Variants in RPS6KA5 observed in about 807,000 individuals in gnomAD.
The protein encoded by RPS6KA5 is ribosomal protein S6 kinase A5.
In RPS6KA5, 27 loss-of-function variants were observed where a neutral mutation model predicts 85.5. The ratio of observed to expected loss-of-function variants is 0.32; its 90% CI spans 0.23 to 0.44. The LOEUF (loss-of-function observed/expected upper bound fraction) is 0.44. Ranked by LOEUF, RPS6KA5 falls within the 20% of genes least tolerant of loss-of-function variation. The pLI, the probability that RPS6KA5 is intolerant of heterozygous loss-of-function variation, is 1.00. For missense variants in RPS6KA5, 811 were observed against 980.9 expected, an observed-to-expected ratio of 0.83 and a Z score of 2.31; for synonymous variants, 334 against 348.2, an observed-to-expected ratio of 0.96 and a Z score of 0.46.
At chr14:90,873,369 A>C (rs1180974588) in intron 16 of RPS6KA5, among the ~76,000 whole-genome samples, 2 of 152,088 alleles carry the variant, frequency 1.3e-5, no homozygotes, top group Non-Finnish European at 2.9e-5. Flanking sequence ...GAGAGGAAAA[A>C]GTTCTATTAT....
intron 2 of RPS6KA5, among the ~76,000 whole-genome samples, chr14:90,996,385 C>T (rs1340555671): frequency 6.6e-6 from 1 of 151,934 alleles, no homozygotes; most frequent in Non-Finnish European, 1.5e-5. Flanking sequence ...TCTCATGGTT[C>T]TTGTTATGTA....
At position 91,033,354 on chromosome 14, in the gene RPS6KA5, C is replaced by T. The variant is rs905145685; in HGVS notation, c.103+26978G>A. Among the ~76,000 whole-genome samples, 5 of 152,164 alleles carry T rather than the reference C, an allele frequency of 3.3e-5. No homozygotes were observed. In the East Asian group the frequency reaches 9.7e-4, roughly 29 times the overall value. ...GTTGGGCCGGGCACTGTGGCTCACA[C>T]CTGGCTCAGGCCGAGGTGGGCAGAT... On this transcript the variant is annotated intron_variant, in intron 1 of 16. Transcript: ENST00000614987.
At chr14:91,059,834 C>T (rs1252999017) in intron 1 of RPS6KA5, among the ~76,000 whole-genome samples, 3 of 152,260 alleles carry the variant, frequency 2.0e-5, no homozygotes, top group Non-Finnish European at 4.4e-5. Flanking sequence ...GCGAAACCTC[C>T]CGTTTATCTC....
chr14:91,035,847 C>CAAAAAAAAAAA (rs199625173), intron 1 of RPS6KA5, among the ~76,000 whole-genome samples: 23 of 69,902 alleles, frequency 3.3e-4, no homozygotes, highest in Non-Finnish European at 4.2e-4. Flanking sequence ...CCCTCACCTT[C>CAAAAAAAAAAA]AAAAAAAAAA....
At chr14:90,911,747 TACA>T (rs147484672) in intron 7 of RPS6KA5, among the ~76,000 whole-genome samples, 6,818 of 152,250 alleles carry the variant, frequency 0.045, 409 homozygotes, top group African/African-American at 0.14. Context: ...CTAGTATGAG[TACA>T]ACATTATACA....
At chr14:90,885,758 A>G (rs1030472656) in intron 14 of RPS6KA5, among the ~76,000 whole-genome samples, 47 of 135,088 alleles carry the variant, frequency 3.5e-4, no homozygotes, top group African/African-American at 8.8e-4. Flanking sequence ...AAAAAAAAAA[A>G]AAAAAAAAAA....
At chr14:91,008,810 A>G (rs941690920) in intron 1 of RPS6KA5, among the ~76,000 whole-genome samples, 1 of 152,238 alleles carries the variant, frequency 6.6e-6, no homozygotes, top group African/African-American at 2.4e-5. Flanking sequence ...TCTTCACTAC[A>G]TAAAAGTAAT....
chr14:90,857,720 C>CT lies in RPS6KA5; in HGVS notation c.*14353dup, dbSNP rs1262823702. On this transcript the variant is annotated 3_prime_UTR_variant, in exon 17 of 17. Coordinates refer to ENST00000614987, the MANE Select transcript of RPS6KA5 (RefSeq NM_004755.4). ...GTAATCATCTAAAAGATTCCAGTCTCTTTTTTCTCACTCCCAACCCCCACA... is the reference window on the plus strand; with the variant it reads ...GTAATCATCTAAAAGATTCCAGTCTCTTTTTTTCTCACTCCCAACCCCCACA... 2 of 152,172 alleles carry CT rather than the reference C, an allele frequency of 1.3e-5. No individual in the cohort carries two copies. Among genetic ancestry groups the CT allele is most frequent in the South Asian group, 2.1e-4 (1 of 4,834 alleles). The allele number at this position is 152,172 out of a possible 1,614,324, so 9.4% of individuals were successfully genotyped here. A position where few individuals can be genotyped will look rare whatever the true frequency, so the allele number is the denominator to read the frequency against.
chr14:90,988,943 G>A (rs2040186966), intron 2 of RPS6KA5, among the ~76,000 whole-genome samples: 1 of 152,164 alleles, frequency 6.6e-6, no homozygotes, highest in African/African-American at 2.4e-5. Context: ...TCTCATTTAT[G>A]AGGTATTTTC....
intron 14 of RPS6KA5, among the ~76,000 whole-genome samples, chr14:90,887,716 A>G (rs1690682650): frequency 6.6e-6 from 1 of 151,732 alleles, no homozygotes; most frequent in Admixed American, 6.6e-5. Context: ...CAGCATTTTG[A>G]GAGGCCGAGG....
Position 90,871,989 on chromosome 14 carries a change from A to G in RPS6KA5, c.*85T>C. ...CAGATTCCAATGAGACCAACGGGAA[A>G]CATTTTTAAAAGCATAAAAGATCGC... On this transcript the variant is annotated 3_prime_UTR_variant, in exon 17 of 17. Transcript: ENST00000614987. 6.7e-7 allele frequency: 1 copy of G among 1,500,016 alleles called. No individual in the cohort carries two copies. The highest frequency in any genetic ancestry group is 2.3e-5 in the East Asian group (1 of 44,038). The allele number at this position is 1,500,016 out of a possible 1,614,324, so 92.9% of individuals were successfully genotyped here. A position where few individuals can be genotyped will look rare whatever the true frequency, so the allele number is the denominator to read the frequency against.
chr14:90,869,478 A>G lies in RPS6KA5; in HGVS notation c.*2596T>C, dbSNP rs1003720169. The G allele has an allele frequency of 1.3e-5, 2 of 152,202 alleles. No homozygotes were observed. Among genetic ancestry groups the G allele is most frequent in the Non-Finnish European group, 2.9e-5 (2 of 68,040 alleles). The allele number at this position is 152,202 out of a possible 1,614,324, so 9.4% of individuals were successfully genotyped here. On this transcript the variant is annotated 3_prime_UTR_variant, in exon 17 of 17. Coordinates refer to ENST00000614987, the MANE Select transcript of RPS6KA5 (RefSeq NM_004755.4). ...GTCATATACAGTTACAAAATATATGAATCAGGATTTATGTTGGCATGAAAA... is the reference window on the plus strand; with the variant it reads ...GTCATATACAGTTACAAAATATATGGATCAGGATTTATGTTGGCATGAAAA...
At chr14:90,983,825 C>G (rs1456470552) in intron 2 of RPS6KA5, among the ~76,000 whole-genome samples, 2 of 136,188 alleles carry the variant, frequency 1.5e-5, no homozygotes, top group Admixed American at 7.1e-5. Context: ...CTGTCTCTCT[C>G]TCTCTCTCTC....
At chr14:90,904,015 C>G (rs989273975) in intron 8 of RPS6KA5, among the ~76,000 whole-genome samples, 7 of 150,868 alleles carry the variant, frequency 4.6e-5, no homozygotes, top group African/African-American at 1.2e-4. Context: ...GGCGCGATCT[C>G]GGCTCACTAC....
In RPS6KA5 at chr14:90,848,649, G is replaced by A. The variant is rs1217334311; in HGVS notation, c.*23425C>T. 2.6e-5 allele frequency: 4 copies of A among 152,084 alleles called. No individual in the cohort carries two copies. The highest frequency in any genetic ancestry group is 5.9e-5 in the Non-Finnish European group (4 of 68,022). 9.4% of individuals were successfully genotyped at this position (152,084 alleles called of 1,614,324 possible). A position where few individuals can be genotyped will look rare whatever the true frequency, so the allele number is the denominator to read the frequency against. On this transcript the variant is annotated 3_prime_UTR_variant, in exon 17 of 17. Coordinates refer to ENST00000614987, the MANE Select transcript of RPS6KA5 (RefSeq NM_004755.4). ...CCTTGCATGTTCAGAATGTCCTTATGTTCTTCTAGAGAGACTTAGAAAAAA... is the reference window on the plus strand; with the variant it reads ...CCTTGCATGTTCAGAATGTCCTTATATTCTTCTAGAGAGACTTAGAAAAAA...
chr14:90,972,933 T>C (rs1033676739), intron 3 of RPS6KA5, among the ~76,000 whole-genome samples: 1 of 152,098 alleles, frequency 6.6e-6, no homozygotes, highest in African/African-American at 2.4e-5. Context: ...AAAATACATA[T>C]GGCTTTTTAA....
At position 91,060,612 on chromosome 14, in the gene RPS6KA5, T is replaced by TC; in HGVS notation, c.-179dup. ...GCCGCACGGCTCGCTCCTCGCCTCC[T>TC]CCCCCTTCGGCGGGCACCGCTAGTA... On this transcript the variant is annotated 5_prime_UTR_variant, in exon 1 of 17. Coordinates refer to ENST00000614987, the MANE Select transcript of RPS6KA5 (RefSeq NM_004755.4). 6 of 861,710 alleles carry TC rather than the reference T, an allele frequency of 7.0e-6. No homozygotes were observed. The highest frequency in any genetic ancestry group is 9.2e-6 in the Non-Finnish European group (6 of 651,202). 53.4% of individuals were successfully genotyped at this position (861,710 alleles called of 1,614,324 possible). A position where few individuals can be genotyped will look rare whatever the true frequency, so the allele number is the denominator to read the frequency against.
At chr14:90,996,822 G>C (rs2040543363) in intron 2 of RPS6KA5, among the ~76,000 whole-genome samples, 1 of 152,162 alleles carries the variant, frequency 6.6e-6, no homozygotes, top group Non-Finnish European at 1.5e-5. Context: ...GATCTTTATA[G>C]AGATCCCTTA....
intron 2 of RPS6KA5, among the ~76,000 whole-genome samples, chr14:90,982,170 T>C (rs1595392838): frequency 6.6e-6 from 1 of 152,226 alleles, no homozygotes; most frequent in African/African-American, 2.4e-5. Flanking sequence ...TGCCTGCAAG[T>C]GCAGCCAACT....
Sources: gnomAD v4.1 joint callset for allele counts (sites outside exome capture counted in the v4.1 genomes callset) on GRCh38, gnomAD v4.1.1 for gene constraint, MANE v1.5 for transcripts, NCBI Gene and HGNC (gene_info 2026-07-23, HGNC 2026-07-21) for gene names.